PRKG1: variants seen among roughly 807,000 people sequenced by gnomAD.
The protein encoded by PRKG1 is protein kinase cGMP-dependent 1.
Under a neutral mutation model 88.1 loss-of-function variants are expected in PRKG1, and 35 were observed. That is an observed-to-expected ratio of 0.40 (90% CI 0.30 to 0.53). The LOEUF is 0.53. Ranked by LOEUF, PRKG1 falls within the 20% of genes least tolerant of loss-of-function variation. The pLI, the probability that PRKG1 is intolerant of heterozygous loss-of-function variation, is 0.59. For missense variants in PRKG1, 540 were observed against 839.8 expected (o/e 0.64, Z 4.41); for synonymous variants, 303 against 292.5 (o/e 1.04, Z -0.37).
rs112689588 is a variant in PRKG1, at chr10:51,348,011, C to T, written c.479-119712C>T. ...CCGGGAGGCGGAGCTTGCAGTGAGC[C>T]GAGATCATGCCACTGCACTCCAGCC... On this transcript the variant is annotated intron_variant, in intron 2 of 17. Coordinates refer to ENST00000373980, the MANE Select transcript of PRKG1 (RefSeq NM_006258.4). Among the ~76,000 whole-genome samples the T allele has an allele frequency of 4.1e-3, 618 of 151,908 alleles. 3 individuals are homozygous for T. The highest frequency in any genetic ancestry group is 0.014 in the African/African-American group (565 of 41,456).
intron 2 of PRKG1, among the ~76,000 whole-genome samples, chr10:51,370,659 C>G (rs59307464): frequency 0.092 from 13,854 of 151,338 alleles, 706 homozygotes; most frequent in Middle Eastern, 0.13. Context: ...TTTTTAGAAG[C>G]CATATTAAAA....
chr10:52,067,982 A>T (rs1487144258), intron 7 of PRKG1, among the ~76,000 whole-genome samples: 3 of 105,654 alleles, frequency 2.8e-5, no homozygotes, highest in Non-Finnish European at 7.3e-5. Flanking sequence ...AGACGGGCGG[A>T]TCACGAGGTC....
intron 4 of PRKG1, among the ~76,000 whole-genome samples, chr10:51,896,398 T>C (rs956003035): frequency 3.9e-5 from 6 of 151,960 alleles, no homozygotes; most frequent in African/African-American, 1.4e-4. Context: ...GAAGGTGATA[T>C]CATCTTATTT....
chr10:51,810,611 C>T (rs1839428801), intron 4 of PRKG1, among the ~76,000 whole-genome samples: 1 of 152,066 alleles, frequency 6.6e-6, no homozygotes, highest in East Asian at 1.9e-4. Flanking sequence ...TTCCCTTATT[C>T]TCTAAAACAA....
rs139967960 is a variant in PRKG1, at chr10:51,573,948, A to G, written c.592+106112A>G. Among the ~76,000 whole-genome samples, 104 of 152,068 alleles carry G rather than the reference A, an allele frequency of 6.8e-4. No homozygotes were observed. The East Asian group carries it at 0.014, about 20-fold the overall frequency. ...GATTTCCTTTCTCTTGAATAGAAAT[A>G]GACAAGAAGCACTTAGCAGCTTACC... On this transcript the variant is annotated intron_variant, in intron 3 of 17. Coordinates refer to ENST00000373980, the MANE Select transcript of PRKG1 (RefSeq NM_006258.4).
chr10:52,156,352 G>A (rs968655792), intron 8 of PRKG1, among the ~76,000 whole-genome samples: 18 of 151,760 alleles, frequency 1.2e-4, no homozygotes, highest in Non-Finnish European at 2.4e-4. Context: ...TCTCACGTTC[G>A]TATTATAAGT....
At chr10:51,770,023 A>G (rs1186881097) in intron 3 of PRKG1, among the ~76,000 whole-genome samples, 1 of 152,214 alleles carries the variant, frequency 6.6e-6, no homozygotes, top group African/African-American at 2.4e-5. Flanking sequence ...AGGTTAATGT[A>G]TGTCTGTACG....
chr10:52,175,236 GT>G (rs1481905239), intron 9 of PRKG1, among the ~76,000 whole-genome samples: 1 of 152,064 alleles, frequency 6.6e-6, no homozygotes, highest in Non-Finnish European at 1.5e-5. Flanking sequence ...AGAACATGCA[GT>G]GTACAACTTT....
At chr10:52,108,523 C>T (rs1035135210) in intron 7 of PRKG1, among the ~76,000 whole-genome samples, 2 of 152,092 alleles carry the variant, frequency 1.3e-5, no homozygotes, top group Non-Finnish European at 2.9e-5. Context: ...CCAAGTGAAT[C>T]GCATTTTGCT....
intron 3 of PRKG1, among the ~76,000 whole-genome samples, chr10:51,514,493 G>A (rs1213516167): frequency 6.6e-6 from 1 of 152,170 alleles, no homozygotes; most frequent in Non-Finnish European, 1.5e-5. Flanking sequence ...TAGCCTCCCT[G>A]TAGCTCAAAG....
chr10:51,347,198 C>A (rs1458333008), intron 2 of PRKG1, among the ~76,000 whole-genome samples: 1 of 151,564 alleles, frequency 6.6e-6, no homozygotes, highest in Admixed American at 6.6e-5. Context: ...TAGAAGAATG[C>A]CAACACACTG....
intron 3 of PRKG1, among the ~76,000 whole-genome samples, chr10:51,777,712 T>A (rs1191728134): frequency 6.6e-6 from 1 of 152,162 alleles, no homozygotes; most frequent in Non-Finnish European, 1.5e-5. Flanking sequence ...GTGTTCACAA[T>A]TATAGCACCA....
intron 9 of PRKG1, among the ~76,000 whole-genome samples, chr10:52,180,694 G>C (rs1037395992): frequency 2.0e-5 from 3 of 152,208 alleles, no homozygotes; most frequent in Non-Finnish European, 4.4e-5. Flanking sequence ...CTGAGGATTT[G>C]TGTTGTTGGT....
chr10:51,691,401 G>A (rs1237172676), intron 3 of PRKG1, among the ~76,000 whole-genome samples: 3 of 150,190 alleles, frequency 2.0e-5, no homozygotes, highest in African/African-American at 2.5e-5. Context: ...TCCACCTCCT[G>A]GGCTGAAGTG....
chr10:51,485,653 C>T (rs1840512561), intron 3 of PRKG1, among the ~76,000 whole-genome samples: 1 of 152,158 alleles, frequency 6.6e-6, no homozygotes, highest in Admixed American at 6.5e-5. Flanking sequence ...TGTTATATTG[C>T]TACTAAATAT....
At chr10:51,037,834 G>A (rs1022955169) in intron 1 of PRKG1, among the ~76,000 whole-genome samples, 1 of 151,398 alleles carries the variant, frequency 6.6e-6, no homozygotes, top group Admixed American at 6.6e-5. Context: ...TCATAATTTT[G>A]CATTTACAAA....
chr10:51,288,554 T>C (rs1425013004), intron 2 of PRKG1, among the ~76,000 whole-genome samples: 2 of 152,230 alleles, frequency 1.3e-5, no homozygotes, highest in Non-Finnish European at 2.9e-5. Context: ...TTTGAGGTTG[T>C]TAATCATTAT....
chr10:52,113,917 T>C (rs1847626306), intron 7 of PRKG1, among the ~76,000 whole-genome samples: 2 of 152,128 alleles, frequency 1.3e-5, no homozygotes, highest in South Asian at 2.1e-4. Flanking sequence ...GCAGAAGTTA[T>C]TGTTAAATCG....
Position 51,744,278 on chromosome 10 carries a change from C to T in PRKG1, c.593-60307C>T, listed in dbSNP as rs193027403. ...GACCAGAGCACTGAATGTTGAGAAA[C>T]GTGCCCCGGGTCATGAAGCACCAAA... is the stretch of plus-strand genomic sequence containing the variant. On this transcript the variant is annotated intron_variant, in intron 3 of 17. Coordinates refer to ENST00000373980, the MANE Select transcript of PRKG1 (RefSeq NM_006258.4). Among the ~76,000 whole-genome samples the T allele has an allele frequency of 9.2e-5, 14 of 152,210 alleles. No homozygotes were observed. The East Asian group carries it at 1.9e-3, about 21-fold the overall frequency.
Sources: allele counts gnomAD v4.1 joint callset (sites outside exome capture counted in the v4.1 genomes callset), GRCh38; gene constraint gnomAD v4.1.1; transcripts MANE v1.5; gene names NCBI Gene and HGNC (gene_info 2026-07-23, HGNC 2026-07-21).